The following CHCHD6 variants were observed in gnomAD, a reference collection of about 807,000 sequenced individuals.
CHCHD6 encodes the protein MICOS complex subunit MIC25.
In CHCHD6, 28 loss-of-function variants were observed where a neutral mutation model predicts 32.3. The observed-to-expected ratio is 0.87, with a 90% CI of 0.64 to 1.19. The LOEUF (loss-of-function observed/expected upper bound fraction) is 1.19. Among genes scored for constraint, CHCHD6 ranks in the 50% most tolerant of loss-of-function variants. The pLI is 0.00. For synonymous variants in CHCHD6, 122 were observed against 117.5 expected (o/e 1.04, Z -0.25); for missense variants, 333 against 307.0 (o/e 1.08, Z -0.63).
chr3:126,833,373 G>A (rs955890190), intron 4 of CHCHD6, among the ~76,000 whole-genome samples: 1 of 152,192 alleles, frequency 6.6e-6, no homozygotes, highest in Non-Finnish European at 1.5e-5. Context: ...ATACCTCCCT[G>A]AAAGACAGAA....
chr3:126,865,650 A>G, intron 5 of CHCHD6: 2 of 984,910 alleles, frequency 2.0e-6, no homozygotes, highest in South Asian at 4.7e-5. Flanking sequence ...TCCCACCGCT[A>G]CTACTATTAT....
At chr3:126,854,784 A>C (rs534764912) in intron 5 of CHCHD6, 1 of 152,456 alleles carries the variant, frequency 6.6e-6, no homozygotes, top group African/African-American at 2.4e-5. Context: ...TGACCACCCA[A>C]AATAGCTCAG....
At chr3:126,901,867 GCTTGTTGC>G (rs2077933007) in intron 5 of CHCHD6, among the ~76,000 whole-genome samples, 1 of 152,204 alleles carries the variant, frequency 6.6e-6, no homozygotes, top group Non-Finnish European at 1.5e-5. Context: ...CTCATTGAGT[GCTTGTTGC>G]ACTGCCTGGC....
At chr3:126,748,962 G>C (rs1421281726) in intron 4 of CHCHD6, among the ~76,000 whole-genome samples, 2 of 152,178 alleles carry the variant, frequency 1.3e-5, no homozygotes, top group Non-Finnish European at 2.9e-5. Flanking sequence ...TGATAGTGAT[G>C]CCCTAATTTA....
chr3:126,855,861 A>C (rs1941649243), intron 5 of CHCHD6, among the ~76,000 whole-genome samples: 1 of 152,248 alleles, frequency 6.6e-6, no homozygotes, highest in African/African-American at 2.4e-5. Context: ...CAGAAAAGTT[A>C]CATACAGGGA....
chr3:126,908,259 G>A (rs952946733), intron 5 of CHCHD6, among the ~76,000 whole-genome samples: 3 of 152,186 alleles, frequency 2.0e-5, no homozygotes, highest in Non-Finnish European at 4.4e-5. Flanking sequence ...CGTGGGAAAG[G>A]TTCCAGGTTC....
chr3:126,809,112 C>A (rs1027891305), intron 4 of CHCHD6, among the ~76,000 whole-genome samples: 2 of 152,262 alleles, frequency 1.3e-5, no homozygotes, highest in East Asian at 3.9e-4. Context: ...GCTGGGATTA[C>A]AGGCATATGC....
At chr3:126,811,750 C>T (rs138467928) in intron 4 of CHCHD6, among the ~76,000 whole-genome samples, 93 of 152,218 alleles carry the variant, frequency 6.1e-4, no homozygotes, top group Non-Finnish European at 1.0e-3. Flanking sequence ...TGGAATCTGC[C>T]AGACATTTAG....
intron 5 of CHCHD6, among the ~76,000 whole-genome samples, chr3:126,896,471 G>A (rs114971732): frequency 0.012 from 1,808 of 152,300 alleles, 18 homozygotes; most frequent in Middle Eastern, 0.048. Context: ...GCTCCCTGCT[G>A]CCCAGTCTCC....
At chr3:126,727,035 C>A in intron 1 of CHCHD6, 43 bp from the exon 2 acceptor site, 1 of 1,423,852 alleles carries the variant, frequency 7.0e-7, no homozygotes, top group Non-Finnish European at 9.9e-7. Context: ...CCAGGCACTT[C>A]TGTGACATAA....
intron 4 of CHCHD6, among the ~76,000 whole-genome samples, chr3:126,828,242 C>T (rs1940488954): frequency 6.6e-6 from 1 of 152,222 alleles, no homozygotes; most frequent in Admixed American, 6.5e-5. Flanking sequence ...AAGCTCTACC[C>T]TACGAAACCA....
At chr3:126,862,395 T>C (rs868266735) in intron 5 of CHCHD6, among the ~76,000 whole-genome samples, 1,310 of 10,152 alleles carry the variant, frequency 0.13, no homozygotes, top group African/African-American at 0.15. Flanking sequence ...CCTCCTCCTC[T>C]ACCATCACCA....
At chr3:126,922,216 T>C (rs1232765083) in intron 6 of CHCHD6, among the ~76,000 whole-genome samples, 1 of 152,234 alleles carries the variant, frequency 6.6e-6, no homozygotes, top group Non-Finnish European at 1.5e-5. Context: ...GCGACTGTGC[T>C]TGGCACATGT....
chr3:126,860,449 GT>G (rs370356062), intron 5 of CHCHD6, among the ~76,000 whole-genome samples: 4,230 of 149,128 alleles, frequency 0.028, 81 homozygotes, highest in African/African-American at 0.059. Context: ...CTGTTGTGGG[GT>G]TGGGGAAAGG....
At chr3:126,943,626 T>C (rs1015163514) in intron 6 of CHCHD6, among the ~76,000 whole-genome samples, 4 of 152,012 alleles carry the variant, frequency 2.6e-5, no homozygotes, top group Non-Finnish European at 5.9e-5. Context: ...GAGAGGTGAG[T>C]CCTGGAGGAC....
chr3:126,841,935 A>G (rs570753037), intron 4 of CHCHD6, among the ~76,000 whole-genome samples: 2 of 151,126 alleles, frequency 1.3e-5, no homozygotes, highest in East Asian at 2.0e-4. Flanking sequence ...AAACAAAACC[A>G]TTGCTTGGGA....
intron 4 of CHCHD6, among the ~76,000 whole-genome samples, chr3:126,797,960 T>C (rs1164321474): frequency 6.6e-6 from 1 of 152,250 alleles, no homozygotes; most frequent in Non-Finnish European, 1.5e-5. Flanking sequence ...AGTTGATGAA[T>C]GATCTCCCCC....
rs373243270 is a variant in CHCHD6 at position 126,862,164 on chromosome 3, C to T, written c.495+9434C>T. 4.0e-4 allele frequency among the ~76,000 whole-genome samples: 37 copies of T among 93,072 alleles called. 1 individual carries two copies. The East Asian group carries it at 4.1e-3, about 10-fold the overall frequency. 61.1% of individuals were successfully genotyped at this position (93,072 alleles called of 152,430 possible). A position where few individuals can be genotyped will look rare whatever the true frequency, so the allele number is the denominator to read the frequency against. On this transcript the variant is annotated intron_variant, in intron 5 of 7. Transcript: ENST00000290913. Reference sequence around the variant, plus strand: ...CCACCATCACCACCTCCCCCTCCTCCACCATCACCACCTCCTCCTCCACCA... The same window carrying T: ...CCACCATCACCACCTCCCCCTCCTCTACCATCACCACCTCCTCCTCCACCA...
chr3:126,825,042 A>C (rs1940328484), intron 4 of CHCHD6, among the ~76,000 whole-genome samples: 1 of 152,162 alleles, frequency 6.6e-6, no homozygotes, highest in South Asian at 2.1e-4. Context: ...TCTCTAGTAT[A>C]GTCTTTTAAG....
Sources: allele counts gnomAD v4.1 joint callset (sites outside exome capture counted in the v4.1 genomes callset), GRCh38; gene constraint gnomAD v4.1.1; transcripts MANE v1.5; gene names NCBI Gene and HGNC (gene_info 2026-07-23, HGNC 2026-07-21).